Variants in UNC13C observed in about 807,000 individuals in gnomAD.
UNC13C encodes protein unc-13 homolog C.
UNC13C carries 174 observed loss-of-function variants against 245.4 expected under a neutral mutation model. The observed-to-expected ratio is 0.71, with a 90% confidence interval of 0.63 to 0.80. The LOEUF is 0.80. Ranked by LOEUF, UNC13C falls within the 30% of genes least tolerant of loss-of-function variation. The pLI, the probability that UNC13C is intolerant of heterozygous loss-of-function variation, is 0.00. For synonymous variants in UNC13C, 992 were observed against 895.1 expected, an observed-to-expected ratio of 1.11 and a Z score of -1.93; for missense variants, 2,829 against 2,602.9, an observed-to-expected ratio of 1.09 and a Z score of -1.89.
chr15:54,034,150 G>T (rs1339528096), intron 2 of UNC13C, among the ~76,000 whole-genome samples: 1 of 152,212 alleles, frequency 6.6e-6, no homozygotes, highest in Admixed American at 6.5e-5. Flanking sequence ...CAGCAGGCTT[G>T]TGGTCAAGTT....
chr15:54,228,320 C>T (rs1188199932), intron 4 of UNC13C, among the ~76,000 whole-genome samples: 1 of 152,056 alleles, frequency 6.6e-6, no homozygotes, highest in Non-Finnish European at 1.5e-5. Flanking sequence ...AATCAGGGAC[C>T]CCAAGAACTC....
chr15:54,550,894 T>C (rs552075181), intron 28 of UNC13C, among the ~76,000 whole-genome samples: 15 of 152,298 alleles, frequency 9.8e-5, no homozygotes, highest in African/African-American at 2.4e-4. Context: ...TGAAATAACA[T>C]AGGTCTTACT....
Position 54,048,995 on chromosome 15 carries a change from T to C in UNC13C, c.2983+33109T>C, listed in dbSNP as rs943011798. Reference sequence around the variant, plus strand: ...TCCAGGCCAAAGTATGCACCATTGTTCCAAGTTTGAGAATTTTTTCTTCCT... The same window carrying C: ...TCCAGGCCAAAGTATGCACCATTGTCCCAAGTTTGAGAATTTTTTCTTCCT... On this transcript the variant is annotated intron_variant, in intron 2 of 32. Coordinates refer to ENST00000260323, the MANE Select transcript of UNC13C (RefSeq NM_001080534.3). 8.0e-6 allele frequency: 3 copies of C among 375,940 alleles called. No homozygotes were observed. In the Admixed American group the frequency reaches 1.2e-4, roughly 15 times the overall value. 23.3% of individuals were successfully genotyped at this position (375,940 alleles called of 1,614,324 possible). A position where few individuals can be genotyped will look rare whatever the true frequency, so the allele number is the denominator to read the frequency against.
chr15:53,903,564 A>G, the UNC13C span, among the ~76,000 whole-genome samples: 1 of 152,178 alleles, frequency 6.6e-6, no homozygotes, highest in Non-Finnish European at 1.5e-5. Context: ...CTTTTTCACT[A>G]CCATTGCCCT....
the UNC13C span, among the ~76,000 whole-genome samples, chr15:53,916,549 T>C: frequency 1.3e-5 from 2 of 151,990 alleles, no homozygotes; most frequent in African/African-American, 4.8e-5. Context: ...GACATAGCAG[T>C]AGTGAAGAGT....
chr15:54,467,281 T>C (rs946302789), intron 19 of UNC13C, among the ~76,000 whole-genome samples: 6 of 151,784 alleles, frequency 4.0e-5, no homozygotes, highest in Admixed American at 1.3e-4. Flanking sequence ...TTGATGAAAC[T>C]AATTATGATA....
Position 54,017,899 on chromosome 15 carries a change from T to A in UNC13C, c.2983+2013T>A, listed in dbSNP as rs1407105706. 3.3e-5 allele frequency among the ~76,000 whole-genome samples: 5 copies of A among 152,312 alleles called. No individual in the cohort carries two copies. The East Asian group carries it at 9.7e-4, about 29-fold the overall frequency. On this transcript the variant is annotated intron_variant, in intron 2 of 32. Transcript: ENST00000260323. ...CATCCTCTTGGAGCTTGGCTTCTTATTATCCTGTGAGCCAACTTTGAATGG... is the reference window on the plus strand; with the variant it reads ...CATCCTCTTGGAGCTTGGCTTCTTAATATCCTGTGAGCCAACTTTGAATGG...
the UNC13C span, among the ~76,000 whole-genome samples, chr15:53,845,675 G>A: frequency 5.9e-5 from 9 of 152,256 alleles, no homozygotes; most frequent in Non-Finnish European, 1.2e-4. Context: ...TTATGTTTAA[G>A]CTTAATTTAA....
chr15:54,382,762 G>T (rs1353168433), intron 17 of UNC13C, among the ~76,000 whole-genome samples: 1 of 152,008 alleles, frequency 6.6e-6, no homozygotes, highest in Non-Finnish European at 1.5e-5. Flanking sequence ...GCAAAAGTTG[G>T]TTGTTCAAAG....
rs147811143 is a variant in UNC13C, at chr15:54,241,373, A to G, written c.3228+3683A>G. On this transcript the variant is annotated intron_variant, in intron 7 of 32. Coordinates refer to ENST00000260323, the MANE Select transcript of UNC13C (RefSeq NM_001080534.3). ...TCTAGTATGACACTAGAAAGATAAC[A>G]TGGAAGGAGAAAACTGCTCAGAACA... 5.8e-3 allele frequency among the ~76,000 whole-genome samples: 878 copies of G among 152,278 alleles called. 12 individuals are homozygous for G. Among genetic ancestry groups the G allele is most frequent in the African/African-American group, 0.02 (838 of 41,552 alleles).
intron 4 of UNC13C, among the ~76,000 whole-genome samples, chr15:54,150,604 A>G (rs1250128658): frequency 3.3e-5 from 5 of 152,214 alleles, no homozygotes; most frequent in African/African-American, 1.2e-4. Context: ...AAGACTGCCT[A>G]TCTAATTTTG....
At chr15:54,077,776 C>G (rs576706309) in intron 2 of UNC13C, among the ~76,000 whole-genome samples, 1 of 152,106 alleles carries the variant, frequency 6.6e-6, no homozygotes, top group African/African-American at 2.4e-5. Flanking sequence ...TTAGAAATTG[C>G]CAACTAAAAA....
At chr15:53,944,201 A>G in the UNC13C span, among the ~76,000 whole-genome samples, 2 of 152,106 alleles carry the variant, frequency 1.3e-5, no homozygotes, top group East Asian at 3.8e-4. Context: ...TAAAACTTCA[A>G]AAAGAAAAGA....
At chr15:54,548,208 CTTTTTTTTTTTTTTTTTTT>C (rs60975842) in intron 27 of UNC13C, among the ~76,000 whole-genome samples, 20,848 of 63,182 alleles carry the variant, frequency 0.33, 3,064 homozygotes, top group African/African-American at 0.5. Flanking sequence ...GTTTCTTTTG[CTTTTTTTTTTTTTTTTTTT>C]TTTTTTTTTT....
chr15:54,511,399 CAGA>C (rs1261047661), intron 23 of UNC13C, among the ~76,000 whole-genome samples: 1 of 151,954 alleles, frequency 6.6e-6, no homozygotes, highest in Non-Finnish European at 1.5e-5. Flanking sequence ...AGTAAAATAA[CAGA>C]AGAATTTAAG....
chr15:54,096,604 A>T (rs1301452449), intron 2 of UNC13C, among the ~76,000 whole-genome samples: 2 of 152,130 alleles, frequency 1.3e-5, no homozygotes, highest in Non-Finnish European at 2.9e-5. Context: ...AAATAATCAG[A>T]TTATAACAAT....
chr15:54,409,280 T>TTA (rs2040369882), intron 18 of UNC13C, among the ~76,000 whole-genome samples: 1 of 152,098 alleles, frequency 6.6e-6, no homozygotes, highest in South Asian at 2.1e-4. Flanking sequence ...TATGTTCCTT[T>TTA]TATATTAATA....
At chr15:54,556,659 T>C (rs2141199548) in intron 29 of UNC13C, among the ~76,000 whole-genome samples, 1 of 152,208 alleles carries the variant, frequency 6.6e-6, no homozygotes, top group South Asian at 2.1e-4. Flanking sequence ...TAAAAGTTTT[T>C]TTAAATTATT....
intron 6 of UNC13C, 114 bp downstream of exon 6, chr15:54,236,549 A>G: frequency 1.3e-6 from 1 of 795,188 alleles, no homozygotes; most frequent in Middle Eastern, 2.4e-4. Flanking sequence ...ACAGACATAC[A>G]AGAATAAGAA....
Sources: gnomAD v4.1 joint callset for allele counts (sites outside exome capture counted in the v4.1 genomes callset) on GRCh38, gnomAD v4.1.1 for gene constraint, MANE v1.5 for transcripts, NCBI Gene and HGNC (gene_info 2026-07-23, HGNC 2026-07-21) for gene names.